MAGI1: variants seen among roughly 807,000 people sequenced by gnomAD.
The protein encoded by MAGI1 is membrane-associated guanylate kinase, WW and PDZ domain-containing protein 1.
A neutral mutation model predicts 139.9 loss-of-function variants in MAGI1; 58 were observed. That is an observed-to-expected ratio of 0.41 (90% CI 0.34 to 0.52). The LOEUF (loss-of-function observed/expected upper bound fraction) is 0.52. Ranked by LOEUF, MAGI1 falls within the 20% of genes least tolerant of loss-of-function variation. MAGI1 has a pLI of 0.12. For synonymous variants in MAGI1, 812 were observed against 737.9 expected (o/e 1.10, Z -1.63); for missense variants, 1,874 against 1,901.6 (o/e 0.99, Z 0.27).
intron 2 of MAGI1, among the ~76,000 whole-genome samples, chr3:65,582,973 T>C (rs549252181): frequency 5.3e-5 from 8 of 152,324 alleles, no homozygotes; most frequent in Non-Finnish European, 1.2e-4. Context: ...TACGTAATGT[T>C]AAAAATAAGT....
intron 2 of MAGI1, among the ~76,000 whole-genome samples, chr3:65,612,520 T>C (rs1324911452): frequency 2.6e-5 from 4 of 152,160 alleles, no homozygotes; most frequent in Non-Finnish European, 4.4e-5. Flanking sequence ...AAATATGTCA[T>C]TGATCATTTT....
chr3:65,930,329 A>G (rs1019722350), intron 1 of MAGI1, among the ~76,000 whole-genome samples: 3 of 151,552 alleles, frequency 2.0e-5, no homozygotes, highest in African/African-American at 7.3e-5. Flanking sequence ...AAAAAAAAAA[A>G]AAAAAAAAAA....
intron 1 of MAGI1, among the ~76,000 whole-genome samples, chr3:65,871,837 C>T (rs535886709): frequency 1.3e-5 from 2 of 152,338 alleles, no homozygotes; most frequent in East Asian, 1.9e-4. Flanking sequence ...CCTAACCCCA[C>T]GCAGTCATTG....
chr3:65,886,022 T>C (rs1168764554), intron 1 of MAGI1, among the ~76,000 whole-genome samples: 1 of 152,208 alleles, frequency 6.6e-6, no homozygotes, highest in East Asian at 1.9e-4. Context: ...TATTTATCTA[T>C]ATTATCTAAC....
chr3:65,754,895 G>C (rs1170592525), intron 1 of MAGI1, among the ~76,000 whole-genome samples: 1 of 151,916 alleles, frequency 6.6e-6, no homozygotes, highest in Non-Finnish European at 1.5e-5. Flanking sequence ...GTGAGGAAGG[G>C]GCTGGCCAAT....
chr3:65,805,279 A>G (rs2040780179), intron 1 of MAGI1, among the ~76,000 whole-genome samples: 5 of 152,352 alleles, frequency 3.3e-5, no homozygotes, highest in South Asian at 4.1e-4. Flanking sequence ...TGGGCAAAAG[A>G]CAAGAACAGA....
chr3:65,874,862 C>T (rs1273049677), intron 1 of MAGI1: 1 of 152,588 alleles, frequency 6.6e-6, no homozygotes, highest in African/African-American at 2.4e-5. Context: ...CCCAAATGTC[C>T]TTCAACTGAT....
intron 1 of MAGI1, among the ~76,000 whole-genome samples, chr3:65,777,522 C>T (rs1275144255): frequency 6.6e-6 from 1 of 151,782 alleles, no homozygotes; most frequent in African/African-American, 2.4e-5. Flanking sequence ...ACCTGTAATT[C>T]CAGCACTTTG....
intron 2 of MAGI1, among the ~76,000 whole-genome samples, chr3:65,568,053 G>T (rs2080755376): frequency 6.6e-6 from 1 of 152,068 alleles, no homozygotes. Flanking sequence ...ACCTTTCAAA[G>T]CACAGTCCTA....
At chr3:65,450,661 A>G (rs1948979375) in intron 6 of MAGI1, among the ~76,000 whole-genome samples, 1 of 152,218 alleles carries the variant, frequency 6.6e-6, no homozygotes, top group African/African-American at 2.4e-5. Flanking sequence ...CAAAGGCAAC[A>G]CTGAGGGCTT....
intron 1 of MAGI1, chr3:65,902,764 C>T (rs1446095212): frequency 6.5e-6 from 1 of 152,794 alleles, no homozygotes. Context: ...AGGACACACG[C>T]CATTACCTCC....
At chr3:65,769,336 A>G (rs571772651) in intron 1 of MAGI1, among the ~76,000 whole-genome samples, 7 of 152,248 alleles carry the variant, frequency 4.6e-5, no homozygotes, top group African/African-American at 1.7e-4. Context: ...GAAAGTTCAT[A>G]AGCGTAGTAG....
intron 1 of MAGI1, among the ~76,000 whole-genome samples, chr3:65,922,961 A>T (rs1298997057): frequency 6.6e-6 from 1 of 152,168 alleles, no homozygotes; most frequent in Non-Finnish European, 1.5e-5. Context: ...TCTTGATAAC[A>T]GGAACATCTG....
chr3:65,877,916 G>C (rs2060178281), intron 1 of MAGI1, among the ~76,000 whole-genome samples: 1 of 152,072 alleles, frequency 6.6e-6, no homozygotes, highest in Admixed American at 6.6e-5. Flanking sequence ...AGACCAGCCT[G>C]GGCAATATGG....
At chr3:65,653,876 A>G (rs1312169831) in intron 1 of MAGI1, among the ~76,000 whole-genome samples, 1 of 152,206 alleles carries the variant, frequency 6.6e-6, no homozygotes, top group African/African-American at 2.4e-5. Context: ...TATATAAAAC[A>G]CAACTCCAAC....
chr3:65,516,175 C>T (rs545811331), intron 2 of MAGI1, among the ~76,000 whole-genome samples: 13 of 150,590 alleles, frequency 8.6e-5, no homozygotes, highest in Admixed American at 6.0e-4. Flanking sequence ...ACCCTGTCTC[C>T]CTCTCTCTCT....
At chr3:65,883,644 A>T (rs776731991) in intron 1 of MAGI1, among the ~76,000 whole-genome samples, 1 of 152,218 alleles carries the variant, frequency 6.6e-6, no homozygotes, top group Non-Finnish European at 1.5e-5. Flanking sequence ...GTGTTGCTTT[A>T]AACACTGGCA....
rs1263026789 is a variant in MAGI1, at chr3:65,790,139, G to A, written c.314-168051C>T. Among the ~76,000 whole-genome samples the A allele has an allele frequency of 3.3e-5, 5 of 152,148 alleles. No individual in the cohort carries two copies. In the East Asian group the frequency reaches 9.6e-4, roughly 29 times the overall value. Reference sequence around the variant, plus strand: ...AAACTAGTTGTATATGTGCTTAACAGGCTAGGCAAGTTTACGCTTACCCCG... The same window carrying A: ...AAACTAGTTGTATATGTGCTTAACAAGCTAGGCAAGTTTACGCTTACCCCG... On this transcript the variant is annotated intron_variant, in intron 1 of 22. Coordinates refer to ENST00000402939, the MANE Select transcript of MAGI1 (RefSeq NM_001033057.2).
chr3:65,574,609 T>C (rs1029886183), intron 2 of MAGI1, among the ~76,000 whole-genome samples: 6 of 151,992 alleles, frequency 3.9e-5, no homozygotes. Context: ...GACAAAGTGA[T>C]TCTAAAATTT....
Sources: allele counts gnomAD v4.1 joint callset (sites outside exome capture counted in the v4.1 genomes callset), GRCh38; gene constraint gnomAD v4.1.1; transcripts MANE v1.5; gene names NCBI Gene and HGNC (gene_info 2026-07-23, HGNC 2026-07-21).